The following CD200R1L variants were observed in gnomAD, a reference collection of about 807,000 sequenced individuals.
CD200R1L encodes cell surface glycoprotein CD200 receptor 2.
In CD200R1L, 14 loss-of-function variants were observed where a neutral mutation model predicts 24.8. The ratio of observed to expected loss-of-function variants is 0.56; its 90% confidence interval spans 0.37 to 0.88. CD200R1L has a LOEUF of 0.88. Ranked by LOEUF, CD200R1L falls within the 40% of genes least tolerant of loss-of-function variation. The pLI is 0.00. For missense variants in CD200R1L, 299 were observed against 297.8 expected, an observed-to-expected ratio of 1.00 and a Z score of -0.03; for synonymous variants, 111 against 109.2, an observed-to-expected ratio of 1.02 and a Z score of -0.11.
intron 1 of CD200R1L, 101 bp from the exon 2 acceptor site, chr3:112,846,051 C>T (rs1238493864): frequency 4.5e-6 from 1 of 222,636 alleles, no homozygotes; most frequent in African/African-American, 2.3e-5. Flanking sequence ...TAAAAAGTAG[C>T]ATTTTGAGAG....
chr3:112,831,206 T>A (rs1350964227), intron 3 of CD200R1L, among the ~76,000 whole-genome samples: 1 of 152,232 alleles, frequency 6.6e-6, no homozygotes, highest in East Asian at 1.9e-4. Flanking sequence ...CTAATTGTCT[T>A]CAGCTTGCAA....
chr3:112,835,922 C>T (rs1335449320), intron 3 of CD200R1L, among the ~76,000 whole-genome samples: 1 of 152,228 alleles, frequency 6.6e-6, no homozygotes, highest in Non-Finnish European at 1.5e-5. Context: ...CTGTTGGCTT[C>T]ATGGAATGCA....
chr3:112,831,610 G>C (rs753602540), intron 3 of CD200R1L, among the ~76,000 whole-genome samples: 1 of 152,162 alleles, frequency 6.6e-6, no homozygotes, highest in African/African-American at 2.4e-5. Context: ...AATACAATTG[G>C]TGTTTTCATA....
chr3:112,829,630 A>G (rs1453026499), intron 3 of CD200R1L: 1 of 813,772 alleles, frequency 1.2e-6, no homozygotes, highest in Admixed American at 6.2e-5. Flanking sequence ...TGCTTTGTTT[A>G]GTCAACTAGT....
intron 3 of CD200R1L, among the ~76,000 whole-genome samples, chr3:112,834,759 T>G (rs1366226556): frequency 6.6e-6 from 1 of 152,214 alleles, no homozygotes; most frequent in Non-Finnish European, 1.5e-5. Context: ...ATGAGGGATG[T>G]GTGAGTGAGC....
At chr3:112,842,798 G>A (rs888247815) in intron 2 of CD200R1L, among the ~76,000 whole-genome samples, 5 of 152,200 alleles carry the variant, frequency 3.3e-5, no homozygotes, top group East Asian at 3.8e-4. Context: ...ACTAGGGTGG[G>A]GAAAAACTCC....
chr3:112,843,571 T>C (rs1173064125), intron 2 of CD200R1L, among the ~76,000 whole-genome samples: 1 of 152,192 alleles, frequency 6.6e-6, no homozygotes, highest in East Asian at 1.9e-4. Flanking sequence ...GAGTTCTAAA[T>C]GCGGAAATTT....
intron 2 of CD200R1L, among the ~76,000 whole-genome samples, chr3:112,839,643 G>C (rs1352281515): frequency 6.6e-6 from 1 of 152,178 alleles, no homozygotes; most frequent in African/African-American, 2.4e-5. Flanking sequence ...TTCCTAACCT[G>C]TCAGAGTATC....
chr3:112,839,675 G>T (rs1298679155), intron 2 of CD200R1L, among the ~76,000 whole-genome samples: 1 of 152,168 alleles, frequency 6.6e-6, no homozygotes, highest in African/African-American at 2.4e-5. Flanking sequence ...TGAGGTTCTT[G>T]ATTGAAAAGG....
At chr3:112,836,895 T>C (rs1938963507) in intron 3 of CD200R1L, among the ~76,000 whole-genome samples, 1 of 152,224 alleles carries the variant, frequency 6.6e-6, no homozygotes, top group Non-Finnish European at 1.5e-5. Context: ...TGAGTTATAC[T>C]TGTAAAATTT....
intron 6 of CD200R1L, among the ~76,000 whole-genome samples, chr3:112,825,090 T>A (rs541819821): frequency 2.2e-4 from 34 of 151,792 alleles, no homozygotes; most frequent in South Asian, 4.2e-4. Context: ...TACAAAAAAA[T>A]TAGCCAGGCG....
rs573702421 is a variant in CD200R1L at position 112,815,824 on chromosome 3, CT to C, written c.*138del. 8.7e-4 allele frequency: 556 copies of C among 639,148 alleles called. 2 individuals carry two copies. Among genetic ancestry groups the C allele is most frequent in the Middle Eastern group, 3.3e-3 (13 of 3,884 alleles). 39.6% of individuals were successfully genotyped at this position (639,148 alleles called of 1,614,324 possible). Reference sequence around the variant, plus strand: ...AGCCCAGGATCCTTCTTCCATCTTTCTTTTCTTCTATCCTACTGAGTGGCTT... The same window carrying C: ...AGCCCAGGATCCTTCTTCCATCTTTCTTTCTTCTATCCTACTGAGTGGCTT... On this transcript the variant is annotated 3_prime_UTR_variant, in exon 8 of 8. Coordinates refer to ENST00000488794, the MANE Select transcript of CD200R1L (RefSeq NM_001199215.3).
intron 3 of CD200R1L, among the ~76,000 whole-genome samples, chr3:112,836,307 T>C (rs1391385762): frequency 6.6e-6 from 1 of 152,152 alleles, no homozygotes; most frequent in Admixed American, 6.5e-5. Flanking sequence ...CACTGCAGAA[T>C]AGGCAGAATA....
intron 7 of CD200R1L, among the ~76,000 whole-genome samples, chr3:112,816,717 C>T (rs1938403422): frequency 6.6e-6 from 1 of 152,108 alleles, no homozygotes; most frequent in Non-Finnish European, 1.5e-5. Context: ...TATTGTAGCT[C>T]CCATAATCAA....
intron 7 of CD200R1L, among the ~76,000 whole-genome samples, chr3:112,817,229 T>C (rs1463968084): frequency 1.3e-5 from 2 of 152,006 alleles, no homozygotes; most frequent in East Asian, 3.9e-4. Flanking sequence ...ATAGTATATA[T>C]ATAATTTACT....
At chr3:112,821,764 A>G (rs1299045067) in intron 6 of CD200R1L, among the ~76,000 whole-genome samples, 1 of 152,250 alleles carries the variant, frequency 6.6e-6, no homozygotes, top group African/African-American at 2.4e-5. Context: ...TTTTTAGTTA[A>G]ATGTACAAGA....
At chr3:112,829,891 T>C (rs1057268645) in intron 3 of CD200R1L, among the ~76,000 whole-genome samples, 1 of 152,186 alleles carries the variant, frequency 6.6e-6, no homozygotes, top group Non-Finnish European at 1.5e-5. Flanking sequence ...CTCTTGTTGC[T>C]ACTCAAATGT....
intron 7 of CD200R1L, chr3:112,818,655 A>G (rs1157583176): frequency 6.5e-6 from 1 of 153,986 alleles, no homozygotes; most frequent in African/African-American, 2.4e-5. Context: ...GCTGTGAGGA[A>G]AGCACCATTT....
chr3:112,829,200 A>G (rs895756501), intron 4 of CD200R1L, 119 bp downstream of exon 4: 2 of 736,814 alleles, frequency 2.7e-6, no homozygotes, highest in Non-Finnish European at 4.7e-6. Flanking sequence ...CAGCACTCAG[A>G]TCAACATGTT....
Sources: gnomAD v4.1 joint callset for allele counts (sites outside exome capture counted in the v4.1 genomes callset) on GRCh38, gnomAD v4.1.1 for gene constraint, MANE v1.5 for transcripts, NCBI Gene and HGNC (gene_info 2026-07-23, HGNC 2026-07-21) for gene names.